The following TBCD variants were observed in gnomAD, a reference collection of about 807,000 sequenced individuals.
TBCD encodes tubulin-specific chaperone D.
In TBCD, 105 loss-of-function variants were observed where a neutral mutation model predicts 169.3. The observed-to-expected ratio is 0.62, with a 90% confidence interval of 0.53 to 0.73. The LOEUF (loss-of-function observed/expected upper bound fraction) is 0.73. TBCD is among the 30% of genes least tolerant of loss of function. TBCD has a pLI of 0.00. For synonymous variants in TBCD, 700 were observed against 643.9 expected, an observed-to-expected ratio of 1.09 and a Z score of -1.32; for missense variants, 1,444 against 1,600.1, an observed-to-expected ratio of 0.90 and a Z score of 1.66.
intron 14 of TBCD, among the ~76,000 whole-genome samples, chr17:82,871,393 G>A (rs1026199849): frequency 6.6e-6 from 1 of 152,208 alleles, no homozygotes; most frequent in African/African-American, 2.4e-5. Context: ...ACCGAGGAAG[G>A]CGACTCAGTG....
intron 10 of TBCD, among the ~76,000 whole-genome samples, chr17:82,807,062 C>G (rs1369159618): frequency 6.6e-6 from 1 of 152,194 alleles, no homozygotes; most frequent in Admixed American, 6.5e-5. Context: ...GCTTGTCCAT[C>G]AGGGTCTTCC....
rs2057864472 is a variant in TBCD, at chr17:82,874,983, T to C, written c.1475+4603T>C. On this transcript the variant is annotated intron_variant, in intron 14 of 38. Coordinates refer to ENST00000355528, the MANE Select transcript of TBCD (RefSeq NM_005993.5). The surrounding 1 kb of genome is among the most constrained non-coding windows in gnomAD (Gnocchi z 5.0). Reference sequence around the variant, plus strand: ...TTCGCAGGGAAATGGAAATGCCTGATCGAGCTGGGCGGTGGCAGCAGCCGC... The same window carrying C: ...TTCGCAGGGAAATGGAAATGCCTGACCGAGCTGGGCGGTGGCAGCAGCCGC... Among the ~76,000 whole-genome samples the C allele has an allele frequency of 6.6e-6, 1 of 152,220 alleles. No homozygotes were observed. The highest frequency in any genetic ancestry group is 1.5e-5 in the Non-Finnish European group (1 of 68,026).
At chr17:82,878,197 C>A (rs1287080018) in intron 14 of TBCD, among the ~76,000 whole-genome samples, 2 of 152,210 alleles carry the variant, frequency 1.3e-5, no homozygotes, top group Non-Finnish European at 2.9e-5. Context: ...GGTCCTGTGC[C>A]CTCAGCCTCC....
rs1267265407 is a variant in TBCD at position 82,789,702 on chromosome 17, T to C, written c.771+7981T>C. 3.3e-5 allele frequency among the ~76,000 whole-genome samples: 5 copies of C among 152,220 alleles called. No individual in the cohort carries two copies. Among genetic ancestry groups the C allele is most frequent in the Non-Finnish European group, 7.3e-5 (5 of 68,028 alleles). On this transcript the variant is annotated intron_variant, in intron 7 of 38. Coordinates refer to ENST00000355528, the MANE Select transcript of TBCD (RefSeq NM_005993.5). The surrounding 1 kb of genome is among the most constrained non-coding windows in gnomAD (Gnocchi z 4.8). ...AAGGCAGATGTCCCTCAGGCTTTGG[T>C]CCTGGCTGTTGATATCTCAGCTCTG...
intron 13 of TBCD, among the ~76,000 whole-genome samples, chr17:82,860,904 G>A (rs2145805749): frequency 6.6e-6 from 1 of 152,322 alleles, no homozygotes; most frequent in South Asian, 2.1e-4. Context: ...CCCGGCCCTG[G>A]ACACAGGGCG....
At position 82,898,073 on chromosome 17, in the gene TBCD, G is replaced by A. The variant is rs115955973; in HGVS notation, c.1650-2578G>A. ...GGGTTTTGGTGTGAGCACATGGCAT[G>A]GCTCTGGGTTTTGGTGTGAGCACAC... On this transcript the variant is annotated intron_variant, in intron 17 of 38. Coordinates refer to ENST00000355528, the MANE Select transcript of TBCD (RefSeq NM_005993.5). 9.4e-4 allele frequency among the ~76,000 whole-genome samples: 133 copies of A among 142,018 alleles called. 1 individual carries two copies. The highest frequency in any genetic ancestry group is 3.4e-3 in the African/African-American group (127 of 36,824). The allele number at this position is 142,018 out of a possible 152,430, so 93.2% of individuals were successfully genotyped here.
At chr17:82,768,300 C>G in intron 4 of TBCD, 120 bp from the exon 5 acceptor site, 1 of 1,212,726 alleles carries the variant, frequency 8.2e-7, no homozygotes, top group Non-Finnish European at 1.2e-6. Context: ...AGGGTGATGG[C>G]ATTTGAATGG....
At chr17:82,886,279 C>G (rs1244123515) in intron 15 of TBCD, 1 of 152,208 alleles carries the variant, frequency 6.6e-6, no homozygotes, top group African/African-American at 2.4e-5. Context: ...CTCAGGCAGT[C>G]AGTGTGTGAG....
At chr17:82,773,142 C>T (rs1290366635) in intron 6 of TBCD, among the ~76,000 whole-genome samples, 9 of 152,206 alleles carry the variant, frequency 5.9e-5, no homozygotes. Flanking sequence ...CATTTTCCCC[C>T]TCTGCAATAG....
chr17:82,812,512 G>T lies in TBCD; in HGVS notation c.1224-2328G>T, dbSNP rs536664043. Among the ~76,000 whole-genome samples, 55 of 152,310 alleles carry T rather than the reference G, an allele frequency of 3.6e-4. 2 individuals are homozygous for T. The South Asian group carries it at 0.011, about 30-fold the overall frequency. On this transcript the variant is annotated intron_variant, in intron 12 of 38. Transcript: ENST00000355528. ...GGCACCCGTTTCGCATCCCTCCGGG[G>T]ACTGATGCAGGTGTGAGCAGATGGA...
At chr17:82,786,355 C>G (rs1254629163) in intron 7 of TBCD, among the ~76,000 whole-genome samples, 2 of 152,238 alleles carry the variant, frequency 1.3e-5, no homozygotes, top group East Asian at 3.8e-4. Context: ...CTGGTTGTCT[C>G]CAATGGCTCT....
At position 82,874,767 on chromosome 17, in the gene TBCD, G is replaced by A. The variant is rs977253996; in HGVS notation, c.1475+4387G>A. Among the ~76,000 whole-genome samples the A allele has an allele frequency of 1.3e-5, 2 of 152,218 alleles. No homozygotes were observed. Among genetic ancestry groups the A allele is most frequent in the Non-Finnish European group, 2.9e-5 (2 of 68,024 alleles). ...CCCTGCCCAGGAGCCCTGCGCACCC[G>A]GGTATCGGTTGGGGTGTGCCCTTCC... On this transcript the variant is annotated intron_variant, in intron 14 of 38. Coordinates refer to ENST00000355528, the MANE Select transcript of TBCD (RefSeq NM_005993.5). The surrounding 1 kb of genome is among the most constrained non-coding windows in gnomAD (Gnocchi z 5.0).
Position 82,752,074 on chromosome 17 carries a change from G to C in TBCD, c.-120G>C. 3 of 1,194,748 alleles carry C rather than the reference G, an allele frequency of 2.5e-6. No individual in the cohort carries two copies. The highest frequency in any genetic ancestry group is 3.6e-5 in the South Asian group (2 of 55,052). The allele number at this position is 1,194,748 out of a possible 1,614,324, so 74.0% of individuals were successfully genotyped here. A position where few individuals can be genotyped will look rare whatever the true frequency, so the allele number is the denominator to read the frequency against. On this transcript the variant is annotated 5_prime_UTR_variant, in exon 1 of 39. Transcript: ENST00000355528. ...GAGGTCGCGGGGCGGGGCCAGCGTCGGTTGCCGCCTTAGCGGGCGCCTCCT... is the reference window on the plus strand; with the variant it reads ...GAGGTCGCGGGGCGGGGCCAGCGTCCGTTGCCGCCTTAGCGGGCGCCTCCT...
chr17:82,881,887 TTCTC>T (rs1014785255), intron 14 of TBCD, among the ~76,000 whole-genome samples: 1 of 151,588 alleles, frequency 6.6e-6, no homozygotes. Flanking sequence ...TAGGGGTCCT[TTCTC>T]TCTCTCTCTG....
chr17:82,864,684 G>T lies in TBCD; in HGVS notation c.1319-5540G>T, dbSNP rs1386785541. Among the ~76,000 whole-genome samples, 1 of 152,196 alleles carries T rather than the reference G, an allele frequency of 6.6e-6. No individual in the cohort carries two copies. The highest frequency in any genetic ancestry group is 1.5e-5 in the Non-Finnish European group (1 of 68,024). ...GCTGGGTGACTTTCCTGTGGAAAGAGCGGGCTTGGGGCTTGGTGCGTGATC... is the reference window on the plus strand; with the variant it reads ...GCTGGGTGACTTTCCTGTGGAAAGATCGGGCTTGGGGCTTGGTGCGTGATC... On this transcript the variant is annotated intron_variant, in intron 13 of 38. Coordinates refer to ENST00000355528, the MANE Select transcript of TBCD (RefSeq NM_005993.5). This position sits in a 1 kb window ranked among gnomAD's most constrained non-coding sequence, Gnocchi z 6.3.
At chr17:82,898,367 C>T (rs555457803) in intron 17 of TBCD, among the ~76,000 whole-genome samples, 13 of 145,548 alleles carry the variant, frequency 8.9e-5, no homozygotes, top group East Asian at 4.1e-4. Context: ...GCACACGGCA[C>T]GGCTCTGGGT....
chr17:82,868,893 G>A (rs960282394), intron 13 of TBCD, among the ~76,000 whole-genome samples: 3 of 152,130 alleles, frequency 2.0e-5, no homozygotes, highest in Non-Finnish European at 4.4e-5. Context: ...TACAGACGGC[G>A]TGTGCGTGGA....
rs532508704 is a variant in TBCD, at chr17:82,864,987, C to T, written c.1319-5237C>T. Among the ~76,000 whole-genome samples, 197 of 152,268 alleles carry T rather than the reference C, an allele frequency of 1.3e-3. No homozygotes were observed. The highest frequency in any genetic ancestry group is 3.7e-3 in the African/African-American group (152 of 41,554). ...CCGAGCACCAAGTCTGTGCTTGCCC[C>T]ACTGTGCAGCGTTGCAGGTGCAGCA... On this transcript the variant is annotated intron_variant, in intron 13 of 38. Coordinates refer to ENST00000355528, the MANE Select transcript of TBCD (RefSeq NM_005993.5). This position sits in a 1 kb window ranked among gnomAD's most constrained non-coding sequence, Gnocchi z 6.3.
chr17:82,812,499 G>C (rs555975494), intron 12 of TBCD, among the ~76,000 whole-genome samples: 14 of 152,340 alleles, frequency 9.2e-5, no homozygotes, highest in Admixed American at 6.5e-5. Flanking sequence ...CACCCGTTTC[G>C]CATCCCTCCG....
Sources: gnomAD v4.1 joint callset for allele counts (sites outside exome capture counted in the v4.1 genomes callset) on GRCh38, gnomAD v4.1.1 for gene constraint, Gnocchi (gnomAD v3.1) non-coding constraint, MANE v1.5 for transcripts, NCBI Gene and HGNC (gene_info 2026-07-23, HGNC 2026-07-21) for gene names.